Variants in ANKS1B observed in about 807,000 individuals in gnomAD.
ANKS1B encodes the protein ankyrin repeat and sterile alpha motif domain containing 1B.
Under a neutral mutation model 148.3 loss-of-function variants are expected in ANKS1B, and 36 were observed. That is an observed-to-expected ratio of 0.24 (90% confidence interval 0.19 to 0.32). The LOEUF is 0.32. ANKS1B is among the 10% of genes least tolerant of loss of function. The pLI, the probability that ANKS1B is intolerant of heterozygous loss-of-function variation, is 1.00. For synonymous variants in ANKS1B, 542 were observed against 560.8 expected (o/e 0.97, Z 0.47); for missense variants, 1,157 against 1,542.6 (o/e 0.75, Z 4.19).
chr12:98,871,321 G>C (rs1008384488), intron 17 of ANKS1B, among the ~76,000 whole-genome samples: 5 of 152,070 alleles, frequency 3.3e-5, no homozygotes, highest in African/African-American at 4.8e-5. Context: ...AGTAAATTCT[G>C]ATATTTAGTC....
In ANKS1B at chr12:98,899,290, C is replaced by A. The variant is rs184732236; in HGVS notation, c.2779-67154G>T. ...TGTGATAATAATGTAAGCTACTTCA[C>A]AAGAGTTGTGGTTGGAAATAAATTA... On this transcript the variant is annotated intron_variant, in intron 17 of 26. Transcript: ENST00000683438. Among the ~76,000 whole-genome samples, 9 of 152,236 alleles carry A rather than the reference C, an allele frequency of 5.9e-5. No individual in the cohort carries two copies. In the East Asian group the frequency reaches 1.7e-3, roughly 29 times the overall value.
intron 15 of ANKS1B, among the ~76,000 whole-genome samples, chr12:99,153,060 G>C (rs891930501): frequency 6.6e-6 from 1 of 151,942 alleles, no homozygotes; most frequent in Non-Finnish European, 1.5e-5. Context: ...CACTCATAAA[G>C]CATTCTGTGC....
At chr12:98,742,056 T>C (rs2097802493), downstream of ANKS1B, among the ~76,000 whole-genome samples, 3 of 151,678 alleles carry the variant, frequency 2.0e-5, no homozygotes, top group Admixed American at 6.6e-5. Context: ...CATCTCTTGC[T>C]CTTACTGTGG....
chr12:99,541,845 C>A (rs553231033), intron 9 of ANKS1B, among the ~76,000 whole-genome samples: 1 of 137,754 alleles, frequency 7.3e-6, no homozygotes, highest in African/African-American at 2.6e-5. Flanking sequence ...CAGAGCGAGA[C>A]TCCGTCTAAA....
chr12:99,645,490 G>A lies in ANKS1B; in HGVS notation c.1272+9577C>T, dbSNP rs182181755. On this transcript the variant is annotated intron_variant, in intron 9 of 26. Transcript: ENST00000683438. ...TCTGGAGTTGAAAGATAGCTCAGGG[G>A]TCATCTCCATTTCAAGGCTGAGAAA... Among the ~76,000 whole-genome samples, 357 of 152,166 alleles carry A rather than the reference G, an allele frequency of 2.3e-3. 2 individuals are homozygous for A. Among genetic ancestry groups the A allele is most frequent in the African/African-American group, 7.8e-3 (324 of 41,518 alleles).
At chr12:99,852,997 C>A (rs990430710) in intron 1 of ANKS1B, among the ~76,000 whole-genome samples, 6 of 152,138 alleles carry the variant, frequency 3.9e-5, no homozygotes, top group Admixed American at 2.6e-4. Flanking sequence ...CAGCCATAAT[C>A]CCCCTGGGAA....
intron 8 of ANKS1B, among the ~76,000 whole-genome samples, chr12:99,749,428 C>T (rs1485083625): frequency 1.3e-5 from 2 of 152,080 alleles, no homozygotes; most frequent in African/African-American, 4.8e-5. Context: ...TGGGGAAAGG[C>T]AGATTCCAGA....
chr12:99,604,592 A>G (rs1011842969), intron 9 of ANKS1B, among the ~76,000 whole-genome samples: 1 of 152,012 alleles, frequency 6.6e-6, no homozygotes, highest in Non-Finnish European at 1.5e-5. Flanking sequence ...AGGCAGGTAG[A>G]TCACCTGAGG....
chr12:99,573,723 A>G (rs1397473566), intron 9 of ANKS1B, among the ~76,000 whole-genome samples: 7 of 152,024 alleles, frequency 4.6e-5, no homozygotes, highest in African/African-American at 9.7e-5. Context: ...AAAATAAAAT[A>G]GAAAAAAAAT....
At chr12:99,870,445 A>G (rs58832659) in intron 1 of ANKS1B, among the ~76,000 whole-genome samples, 22,047 of 152,158 alleles carry the variant, frequency 0.14, 1,969 homozygotes, top group Non-Finnish European at 0.2. Context: ...TTTCTTTTGG[A>G]TATAGACCCA....
At chr12:99,426,720 G>A (rs1032799014) in intron 11 of ANKS1B, among the ~76,000 whole-genome samples, 4 of 152,070 alleles carry the variant, frequency 2.6e-5, no homozygotes, top group Non-Finnish European at 5.9e-5. Flanking sequence ...TTATGTGAAA[G>A]TACACATAAT....
chr12:99,554,095 C>A (rs1384720843), intron 9 of ANKS1B, among the ~76,000 whole-genome samples: 1 of 152,098 alleles, frequency 6.6e-6, no homozygotes, highest in African/African-American at 2.4e-5. Flanking sequence ...AAGAGAGAGA[C>A]CAAATCCAGA....
Position 98,829,426 on chromosome 12 carries a change from T to C in ANKS1B, c.2887-73A>G. On this transcript the variant is annotated intron_variant, in intron 18 of 26. Transcript: ENST00000683438. This position sits in a 1 kb window ranked among gnomAD's most constrained non-coding sequence, Gnocchi z 5.2. ...CTTTGGTTTCAAAATTGTGAAATAC[T>C]GACAAGACAAACTGTGGGGGTGGGG... 6.7e-7 allele frequency: 1 copy of C among 1,483,458 alleles called. No homozygotes were observed. The highest frequency in any genetic ancestry group is 9.2e-7 in the Non-Finnish European group (1 of 1,091,818). The allele number at this position is 1,483,458 out of a possible 1,614,324, so 91.9% of individuals were successfully genotyped here.
At chr12:99,520,846 A>G (rs574764088) in intron 9 of ANKS1B, among the ~76,000 whole-genome samples, 1 of 152,000 alleles carries the variant, frequency 6.6e-6, no homozygotes. Context: ...GCCCAGGCTG[A>G]AGTGCAATGG....
chr12:99,566,390 G>T (rs1287074202), intron 9 of ANKS1B, among the ~76,000 whole-genome samples: 4 of 152,112 alleles, frequency 2.6e-5, no homozygotes, highest in Non-Finnish European at 5.9e-5. Context: ...TATATAAAAA[G>T]GATCCCTCTC....
chr12:99,424,488 C>T (rs752313056), intron 11 of ANKS1B, among the ~76,000 whole-genome samples: 2 of 148,734 alleles, frequency 1.3e-5, no homozygotes, highest in Non-Finnish European at 1.5e-5. Flanking sequence ...GGTGGTCAAA[C>T]CTGTGCTTAG....
chr12:99,903,917 G>T (rs2093688117), intron 1 of ANKS1B, among the ~76,000 whole-genome samples: 1 of 151,962 alleles, frequency 6.6e-6, no homozygotes, highest in African/African-American at 2.4e-5. Flanking sequence ...ATAAAAAGTT[G>T]CCAAGTGTTC....
At chr12:98,939,059 G>T (rs1335049999) in intron 17 of ANKS1B, among the ~76,000 whole-genome samples, 1 of 152,186 alleles carries the variant, frequency 6.6e-6, no homozygotes, top group Admixed American at 6.5e-5. Flanking sequence ...GACTGTTACA[G>T]ATAGCTGAGT....
intron 17 of ANKS1B, among the ~76,000 whole-genome samples, chr12:98,889,721 T>C (rs748599877): frequency 6.6e-6 from 1 of 152,266 alleles, no homozygotes; most frequent in Non-Finnish European, 1.5e-5. Context: ...GTGTAGCTTT[T>C]GGCTCCTTTG....
Sources: gnomAD v4.1 joint callset for allele counts (sites outside exome capture counted in the v4.1 genomes callset) on GRCh38, gnomAD v4.1.1 for gene constraint, Gnocchi (gnomAD v3.1) non-coding constraint, MANE v1.5 for transcripts, NCBI Gene and HGNC (gene_info 2026-07-23, HGNC 2026-07-21) for gene names.